Variants in SBF2 observed in about 807,000 individuals in gnomAD.
SBF2 encodes the protein SET binding factor 2, also known as myotubularin-related protein 13.
A neutral mutation model predicts 225.2 loss-of-function variants in SBF2; 112 were observed. The observed-to-expected ratio is 0.50, with a 90% CI of 0.43 to 0.58. SBF2 has a LOEUF of 0.58. Among genes scored for constraint, SBF2 ranks in the 20% least tolerant of loss-of-function variants. The pLI, the probability that SBF2 is intolerant of heterozygous loss-of-function variation, is 0.00. For synonymous variants in SBF2, 763 were observed against 773.3 expected (o/e 0.99, Z 0.22); for missense variants, 1,996 against 2,206.2 (o/e 0.90, Z 1.91).
intron 9 of SBF2, among the ~76,000 whole-genome samples, chr11:9,996,599 C>T (rs1017418071): frequency 2.0e-5 from 3 of 152,114 alleles, no homozygotes; most frequent in African/African-American, 7.2e-5. Flanking sequence ...CCATGTTGGA[C>T]AGGCTGGTCT....
intron 16 of SBF2, among the ~76,000 whole-genome samples, chr11:9,955,963 C>T (rs2134340759): frequency 6.6e-6 from 1 of 151,998 alleles, no homozygotes; most frequent in South Asian, 2.1e-4. Context: ...AAAGTGGATC[C>T]ATATTATAGT....
chr11:10,131,863 A>G (rs1415498706), intron 2 of SBF2, among the ~76,000 whole-genome samples: 2 of 152,204 alleles, frequency 1.3e-5, no homozygotes, highest in Non-Finnish European at 2.9e-5. Context: ...CTTAATTTTA[A>G]TACATTCCAA....
intron 2 of SBF2, among the ~76,000 whole-genome samples, chr11:10,094,091 G>A (rs1478670167): frequency 2.0e-5 from 3 of 152,204 alleles, no homozygotes; most frequent in Non-Finnish European, 4.4e-5. Context: ...AGCACTTTGG[G>A]AGGCCAAGGC....
intron 2 of SBF2, among the ~76,000 whole-genome samples, chr11:10,138,067 T>A (rs1445560246): frequency 6.6e-6 from 1 of 152,120 alleles, no homozygotes; most frequent in Non-Finnish European, 1.5e-5. Flanking sequence ...AGAATGAATG[T>A]TAATCAGTCT....
chr11:9,939,604 T>G lies in SBF2; in HGVS notation c.1860+22353A>C, dbSNP rs147638287. Among the ~76,000 whole-genome samples the G allele has an allele frequency of 9.8e-5, 15 of 152,294 alleles. No homozygotes were observed. In the East Asian group the frequency reaches 2.9e-3, roughly 29 times the overall value. ...TCTTTATATGTACTTTTACCACCTT[T>G]TTTGCCCATATAACAAACAACATTT... On this transcript the variant is annotated intron_variant, in intron 16 of 39. Transcript: ENST00000256190.
At position 9,850,232 on chromosome 11, in the gene SBF2, AAGAT is replaced by A; in HGVS notation, c.2611-18_2611-15del. 6.2e-7 allele frequency: 1 copy of A among 1,610,726 alleles called. No individual in the cohort carries two copies. Among genetic ancestry groups the A allele is most frequent in the Non-Finnish European group, 8.5e-7 (1 of 1,178,520 alleles). ...AAGAATCTTGGGCTTACAACAGAAA[AAGAT>A]TGATTGATTGATTGATTGACTAATT... On this transcript the variant is annotated splice_polypyrimidine_tract_variant and intron_variant, in intron 21 of 39. Coordinates refer to ENST00000256190, the MANE Select transcript of SBF2 (RefSeq NM_030962.4).
chr11:10,226,724 T>G (rs1373129889), intron 1 of SBF2, among the ~76,000 whole-genome samples: 1 of 152,232 alleles, frequency 6.6e-6, no homozygotes, highest in Non-Finnish European at 1.5e-5. Context: ...TAATCCAGTC[T>G]ATCATTGTTG....
chr11:9,793,882 A>G (rs1054219399), intron 33 of SBF2, among the ~76,000 whole-genome samples: 1 of 152,236 alleles, frequency 6.6e-6, no homozygotes, highest in Non-Finnish European at 1.5e-5. Context: ...ATCATCTGCT[A>G]TAGGAGAAGC....
At chr11:10,032,630 CTTTA>C (rs1214126457) in intron 3 of SBF2, among the ~76,000 whole-genome samples, 1 of 152,210 alleles carries the variant, frequency 6.6e-6, no homozygotes, top group African/African-American at 2.4e-5. Flanking sequence ...ACTTTCTCTG[CTTTA>C]TTTTTCTCCA....
rs776494289 is a variant in SBF2 at position 9,787,648 on chromosome 11, G to A, written c.5023C>T (p.Pro1675Ser). 4 of 1,613,996 alleles carry A rather than the reference G, an allele frequency of 2.5e-6. No homozygotes were observed. Among genetic ancestry groups the A allele is most frequent in the Non-Finnish European group, 3.4e-6 (4 of 1,179,968 alleles). ...TGCCAACTCACGCGATCTGTTCTTG[G>A]TTCTTCTTTAAGGTCCACGGTTACC... Reference protein sequence around the residue: ...ERVTVDLKEEPRTDRSQRHLS... With the variant: ...ERVTVDLKEESRTDRSQRHLS... Residue 1675 changes from proline to serine, a missense_variant, in exon 36 of 40, where the codon CCA becomes TCA. By Grantham distance (74) the Pro-to-Ser change is moderately conservative. Transcript: ENST00000256190.
chr11:9,974,522 A>G (rs1222818470), intron 13 of SBF2, among the ~76,000 whole-genome samples: 2 of 151,992 alleles, frequency 1.3e-5, no homozygotes, highest in Non-Finnish European at 2.9e-5. Flanking sequence ...TGTCACAAGT[A>G]CGAAGGCAAC....
chr11:9,845,635 C>G lies in SBF2; in HGVS notation c.3040G>C (p.Ala1014Pro). Reference protein sequence around the residue: ...RYPQSIFSTFAFAAGQTTPQI... With the variant: ...RYPQSIFSTFPFAAGQTTPQI... ...GGGGTAGTTTGTCCAGCAGCAAAAG[C>G]AAAGGTACTGAAAATGGACTGAGGA... The change falls in exon 24 of 40, where the codon GCT (alanine) becomes CCT (proline). Residue 1014 changes from alanine (A) to proline (P), a missense_variant. Coordinates refer to ENST00000256190, the MANE Select transcript of SBF2 (RefSeq NM_030962.4). The G allele has an allele frequency of 6.2e-7, 1 of 1,613,958 alleles. No individual in the cohort carries two copies. Among genetic ancestry groups the G allele is most frequent in the Non-Finnish European group, 8.5e-7 (1 of 1,179,842 alleles).
intron 16 of SBF2, among the ~76,000 whole-genome samples, chr11:9,918,095 G>A (rs567910571): frequency 1.3e-5 from 2 of 151,970 alleles, no homozygotes; most frequent in East Asian, 1.9e-4. Context: ...TAGGGACCAC[G>A]AATTAAGCAG....
At chr11:10,171,551 G>A (rs1204053495) in intron 2 of SBF2, among the ~76,000 whole-genome samples, 2 of 152,146 alleles carry the variant, frequency 1.3e-5, no homozygotes, top group Non-Finnish European at 2.9e-5. Flanking sequence ...AGATTTTATT[G>A]AGGATTTTTT....
intron 1 of SBF2, among the ~76,000 whole-genome samples, chr11:10,226,894 G>A (rs1958588549): frequency 6.6e-6 from 1 of 151,948 alleles, no homozygotes; most frequent in Non-Finnish European, 1.5e-5. Context: ...AGATCCCTGA[G>A]GAATCGCTGA....
chr11:10,283,426 A>C (rs1349109721), intron 1 of SBF2, among the ~76,000 whole-genome samples: 1 of 152,204 alleles, frequency 6.6e-6, no homozygotes, highest in Non-Finnish European at 1.5e-5. Flanking sequence ...GTTATACATA[A>C]ATTTACATTC....
chr11:10,243,457 CAAAT>C (rs1386085171), intron 1 of SBF2, among the ~76,000 whole-genome samples: 2 of 148,986 alleles, frequency 1.3e-5, no homozygotes, highest in African/African-American at 4.9e-5. Flanking sequence ...AAAAATGAAT[CAAAT>C]AATAAAAATT....
intron 1 of SBF2, among the ~76,000 whole-genome samples, chr11:10,205,650 G>A (rs568756231): frequency 1.4e-4 from 22 of 152,176 alleles, no homozygotes; most frequent in African/African-American, 5.1e-4. Context: ...ACCATGAGCA[G>A]GGGATAGACA....
chr11:10,289,390 G>A (rs1030640854), intron 1 of SBF2, among the ~76,000 whole-genome samples: 4 of 152,140 alleles, frequency 2.6e-5, no homozygotes, highest in African/African-American at 7.2e-5. Flanking sequence ...CCAGGAGGGC[G>A]GGGCTGCTGC....
Sources: allele counts gnomAD v4.1 joint callset (sites outside exome capture counted in the v4.1 genomes callset), GRCh38; gene constraint gnomAD v4.1.1; transcripts MANE v1.5; gene names NCBI Gene and HGNC (gene_info 2026-07-23, HGNC 2026-07-21).